Variants in TOGARAM2 observed in about 807,000 individuals in gnomAD.
TOGARAM2 encodes the protein TOG array regulator of axonemal microtubules 2, also known as TOG array regulator of axonemal microtubules protein 2.
TOGARAM2 carries 85 observed loss-of-function variants against 93.3 expected under a neutral mutation model. The ratio of observed to expected loss-of-function variants is 0.91; its 90% CI spans 0.76 to 1.09. The LOEUF (loss-of-function observed/expected upper bound fraction) is 1.09. TOGARAM2 is among the 50% of genes least tolerant of loss of function. The pLI is 0.00. For missense variants in TOGARAM2, 1,277 were observed against 1,334.5 expected, an observed-to-expected ratio of 0.96 and a Z score of 0.67; for synonymous variants, 593 against 552.8, an observed-to-expected ratio of 1.07 and a Z score of -1.02.
At chr2:28,959,251 C>T (rs1671766222) in intron 1 of TOGARAM2, among the ~76,000 whole-genome samples, 1 of 152,136 alleles carries the variant, frequency 6.6e-6, no homozygotes, top group South Asian at 2.1e-4. Context: ...ATTGATGTTT[C>T]CCCCTCATGT....
At position 29,006,365 on chromosome 2, in the gene TOGARAM2, T is replaced by A. The variant is rs374977569; in HGVS notation, c.830+2683T>A. 9.9e-3 allele frequency among the ~76,000 whole-genome samples: 1,478 copies of A among 149,386 alleles called. 20 individuals are homozygous for A. The highest frequency in any genetic ancestry group is 0.034 in the African/African-American group (1,383 of 40,338). ...ATGTGTGTATGTGTGAGTGCATGTG[T>A]GTGCATGTGTATGTGTGTGAGTGCG... On this transcript the variant is annotated intron_variant, in intron 6 of 19. Coordinates refer to ENST00000379558, the MANE Select transcript of TOGARAM2 (RefSeq NM_199280.4).
chr2:29,015,565 C>G (rs891891859), intron 8 of TOGARAM2, among the ~76,000 whole-genome samples: 4 of 152,178 alleles, frequency 2.6e-5, no homozygotes, highest in Admixed American at 1.3e-4. Flanking sequence ...AAATGATTGC[C>G]GTGTCTCTCT....
At chr2:29,042,318 G>GCA (rs1666483101) in intron 18 of TOGARAM2, among the ~76,000 whole-genome samples, 1 of 152,262 alleles carries the variant, frequency 6.6e-6, no homozygotes, top group Non-Finnish European at 1.5e-5. Flanking sequence ...AGCACCTGCA[G>GCA]TGTGCTGTGC....
intron 6 of TOGARAM2, among the ~76,000 whole-genome samples, chr2:29,004,822 T>A (rs760312301): frequency 6.6e-6 from 1 of 151,268 alleles, no homozygotes; most frequent in Non-Finnish European, 1.5e-5. Context: ...GTGGAGTATG[T>A]GTGTGCATGT....
intron 6 of TOGARAM2, 118 bp from the exon 7 acceptor site, chr2:29,011,337 C>CGTCCCCTCT: frequency 1.3e-6 from 1 of 788,774 alleles, no homozygotes; most frequent in Non-Finnish European, 2.1e-6. Flanking sequence ...ATAACAGTGC[C>CGTCCCCTCT]GTCCCCTCTG....
chr2:29,019,177 C>CTTTTT (rs61378143), intron 10 of TOGARAM2, among the ~76,000 whole-genome samples: 72 of 121,678 alleles, frequency 5.9e-4, no homozygotes, highest in Middle Eastern at 9.7e-3. Flanking sequence ...CCAACTGACT[C>CTTTTT]TTTTTTTTTT....
chr2:28,979,628 G>A (rs1249413337), upstream of TOGARAM2, among the ~76,000 whole-genome samples: 1 of 152,196 alleles, frequency 6.6e-6, no homozygotes, highest in Non-Finnish European at 1.5e-5. Flanking sequence ...CTAGCATTTG[G>A]CACAGAGCAT....
chr2:29,005,875 TTG>T (rs1359041491), intron 6 of TOGARAM2, among the ~76,000 whole-genome samples: 13 of 147,266 alleles, frequency 8.8e-5, no homozygotes, highest in African/African-American at 3.0e-4. Context: ...TCAGTGCATG[TTG>T]TGAGTGCATG....
chr2:28,971,504 G>C (rs1464086692), intron 1 of TOGARAM2, among the ~76,000 whole-genome samples: 1 of 152,138 alleles, frequency 6.6e-6, no homozygotes, highest in African/African-American at 2.4e-5. Context: ...GGGTCACCAC[G>C]ACCAGCCGGT....
At chr2:29,017,748 G>A in intron 9 of TOGARAM2, 44 bp from the exon 10 acceptor site, 1 of 1,525,674 alleles carries the variant, frequency 6.6e-7, no homozygotes, top group Non-Finnish European at 8.8e-7. Context: ...GAGGCCAGGG[G>A]AAAACAGACC....
intron 10 of TOGARAM2, chr2:29,018,250 A>C (rs913749491): frequency 2.7e-6 from 1 of 371,154 alleles, no homozygotes; most frequent in Non-Finnish European, 4.8e-6. Flanking sequence ...AAGACACTAG[A>C]CAATAGCACC....
intron 18 of TOGARAM2, among the ~76,000 whole-genome samples, chr2:29,044,511 T>A (rs1992810): frequency 6.6e-6 from 1 of 151,948 alleles, no homozygotes; most frequent in African/African-American, 2.4e-5. Flanking sequence ...GACTCGGGAC[T>A]GACAGTGCTG....
At chr2:28,980,221 G>C (rs1452018958), upstream of TOGARAM2, among the ~76,000 whole-genome samples, 1 of 152,172 alleles carries the variant, frequency 6.6e-6, no homozygotes, top group Admixed American at 6.5e-5. Context: ...GTCATAATTG[G>C]CTGGCCCTCC....
At chr2:29,050,609 G>A (rs975595327) in intron 19 of TOGARAM2, 1 of 152,132 alleles carries the variant, frequency 6.6e-6, no homozygotes, top group Non-Finnish European at 1.5e-5. Context: ...CTGAGCCCTG[G>A]GCTCAGGCAG....
At chr2:28,987,472 G>T (rs1465607319) in intron 1 of TOGARAM2, among the ~76,000 whole-genome samples, 1 of 152,122 alleles carries the variant, frequency 6.6e-6, no homozygotes, top group East Asian at 1.9e-4. Context: ...TGTATTTTTA[G>T]TAGACATGGG....
At chr2:29,010,256 T>C (rs1290245610) in intron 6 of TOGARAM2, among the ~76,000 whole-genome samples, 1 of 152,056 alleles carries the variant, frequency 6.6e-6, no homozygotes, top group Non-Finnish European at 1.5e-5. Context: ...TTAGTGCCGT[T>C]GGGCAGTGGT....
intron 6 of TOGARAM2, among the ~76,000 whole-genome samples, chr2:29,010,972 C>G (rs1664206602): frequency 6.6e-6 from 1 of 152,202 alleles, no homozygotes; most frequent in African/African-American, 2.4e-5. Context: ...GCTCCGCCCC[C>G]CAGGCCCTGG....
At position 28,964,468 on chromosome 2, in the gene TOGARAM2, G is replaced by GT. The variant is rs35630231; in HGVS notation, c.-147+7786dup. Among the ~76,000 whole-genome samples the GT allele has an allele frequency of 7.2e-3, 992 of 137,190 alleles. 3 individuals are homozygous for GT. Among genetic ancestry groups the GT allele is most frequent in the African/African-American group, 0.011 (409 of 36,414 alleles). 90.0% of individuals were successfully genotyped at this position (137,190 alleles called of 152,430 possible). On this transcript the variant is annotated intron_variant, in intron 1 of 6. Transcript: ENST00000401723. ...TGTAAATAGCACCTAATTGGGTCTT[G>GT]TTTTTTTTTTTTTTTAATTTTAATT...
chr2:28,978,802 G>A (rs1397891043), upstream of TOGARAM2, among the ~76,000 whole-genome samples: 3 of 152,040 alleles, frequency 2.0e-5, no homozygotes, highest in East Asian at 1.9e-4. Flanking sequence ...CAGGAGAGTC[G>A]GGGCAATGAC....
Sources: gnomAD v4.1 joint callset for allele counts (sites outside exome capture counted in the v4.1 genomes callset) on GRCh38, gnomAD v4.1.1 for gene constraint, MANE v1.5 for transcripts, NCBI Gene and HGNC (gene_info 2026-07-23, HGNC 2026-07-21) for gene names.